Variants in KCNH1 observed in about 807,000 individuals in gnomAD.
KCNH1 encodes the protein voltage-gated delayed rectifier potassium channel KCNH1.
KCNH1 carries 27 observed loss-of-function variants against 69.2 expected under a neutral mutation model. The ratio of observed to expected loss-of-function variants is 0.39; its 90% CI spans 0.29 to 0.54. The LOEUF is 0.54. KCNH1 is among the 20% of genes least tolerant of loss of function. KCNH1 has a pLI of 0.68. For synonymous variants in KCNH1, 456 were observed against 487.7 expected (o/e 0.93, Z 0.86); for missense variants, 798 against 1,261.6 (o/e 0.63, Z 5.57).
chr1:211,079,530 A>G (rs1690811187), intron 5 of KCNH1, among the ~76,000 whole-genome samples: 1 of 152,208 alleles, frequency 6.6e-6, no homozygotes, highest in African/African-American at 2.4e-5. Flanking sequence ...AGAATTTTAG[A>G]CCAATATCCC....
chr1:210,846,155 C>A (rs910261147), intron 7 of KCNH1, among the ~76,000 whole-genome samples: 1 of 152,130 alleles, frequency 6.6e-6, no homozygotes. Context: ...CCGTACTTCC[C>A]AAGGTAATTT....
rs1427613208 is a variant in KCNH1, at chr1:211,059,651, G to T, written c.558+23129C>A. 2.6e-5 allele frequency among the ~76,000 whole-genome samples: 4 copies of T among 152,014 alleles called. No homozygotes were observed. The East Asian group carries it at 7.8e-4, about 30-fold the overall frequency. On this transcript the variant is annotated intron_variant, in intron 5 of 10. Transcript: ENST00000271751. ...CCAGCTACTCGGGAGGCTGAGGCAG[G>T]AGAATGGCGTGAACCCGGGAGGTGG...
At chr1:211,027,701 A>G (rs1310441443) in intron 5 of KCNH1, among the ~76,000 whole-genome samples, 2 of 152,184 alleles carry the variant, frequency 1.3e-5, no homozygotes, top group Non-Finnish European at 2.9e-5. Flanking sequence ...TTGTTCTGTA[A>G]TAGAAAGTAT....
intron 1 of KCNH1, among the ~76,000 whole-genome samples, chr1:211,131,587 T>G (rs1226829310): frequency 6.6e-6 from 1 of 152,190 alleles, no homozygotes; most frequent in African/African-American, 2.4e-5. Context: ...AAAAAAGGGC[T>G]CATGGATTTT....
intron 5 of KCNH1, among the ~76,000 whole-genome samples, chr1:211,034,756 T>C (rs1014871759): frequency 6.6e-6 from 1 of 152,208 alleles, no homozygotes; most frequent in African/African-American, 2.4e-5. Flanking sequence ...AGGCAAGTTA[T>C]ACAGGGGCTT....
At chr1:210,704,995 G>A (rs1292609260) in intron 10 of KCNH1, among the ~76,000 whole-genome samples, 2 of 152,204 alleles carry the variant, frequency 1.3e-5, no homozygotes, top group African/African-American at 2.4e-5. Context: ...GTTGGGTGGA[G>A]GTAGGGGGTC....
intron 7 of KCNH1, among the ~76,000 whole-genome samples, chr1:210,812,945 C>T (rs1684737172): frequency 6.6e-6 from 1 of 152,198 alleles, no homozygotes; most frequent in Admixed American, 6.5e-5. Flanking sequence ...CTGCTTAGAA[C>T]TGTGTGGTCA....
At chr1:211,025,328 A>C (rs1332486228) in intron 5 of KCNH1, among the ~76,000 whole-genome samples, 1 of 152,154 alleles carries the variant, frequency 6.6e-6, no homozygotes, top group Non-Finnish European at 1.5e-5. Context: ...ACCAGCCCTT[A>C]AAAGGGGGCA....
chr1:210,836,699 T>C (rs1271750783), intron 7 of KCNH1, among the ~76,000 whole-genome samples: 3 of 152,132 alleles, frequency 2.0e-5, no homozygotes, highest in Non-Finnish European at 4.4e-5. Context: ...TGGGGTCTCA[T>C]AGGAGAGAGA....
At chr1:210,749,302 G>C (rs1229766920) in intron 10 of KCNH1, among the ~76,000 whole-genome samples, 1 of 152,184 alleles carries the variant, frequency 6.6e-6, no homozygotes, top group Non-Finnish European at 1.5e-5. Flanking sequence ...CCCAAGAGAG[G>C]CTTCTGGGAG....
chr1:210,895,206 A>G (rs1686839992), intron 7 of KCNH1, among the ~76,000 whole-genome samples: 1 of 148,420 alleles, frequency 6.7e-6, no homozygotes. Context: ...TCTTTGTTAT[A>G]TAACCTTGGA....
chr1:210,911,819 A>G (rs930671488), intron 7 of KCNH1, among the ~76,000 whole-genome samples: 1 of 152,162 alleles, frequency 6.6e-6, no homozygotes, highest in Admixed American at 6.5e-5. Context: ...CACAATACAC[A>G]CAAGATATTT....
intron 6 of KCNH1, among the ~76,000 whole-genome samples, chr1:210,993,948 T>C (rs974136756): frequency 6.6e-6 from 1 of 150,890 alleles, no homozygotes; most frequent in Non-Finnish European, 1.5e-5. Context: ...ATAGGGGTTT[T>C]ATGACGTTCA....
intron 6 of KCNH1, among the ~76,000 whole-genome samples, chr1:211,001,987 G>A (rs1389037977): frequency 7.1e-6 from 1 of 140,454 alleles, no homozygotes; most frequent in African/African-American, 2.6e-5. Context: ...ACAGGAAGGG[G>A]AACAGCACAC....
chr1:210,788,248 AT>A (rs1235340235), intron 9 of KCNH1, among the ~76,000 whole-genome samples: 1 of 152,194 alleles, frequency 6.6e-6, no homozygotes, highest in Non-Finnish European at 1.5e-5. Flanking sequence ...TTCAGTTAAC[AT>A]TTTGGTATAC....
chr1:210,687,382 C>T (rs963587935), intron 10 of KCNH1, among the ~76,000 whole-genome samples: 1 of 152,220 alleles, frequency 6.6e-6, no homozygotes, highest in Non-Finnish European at 1.5e-5. Context: ...TTCAGACACT[C>T]AATGACAGGG....
chr1:210,982,719 G>A (rs59394537), intron 6 of KCNH1, among the ~76,000 whole-genome samples: 10,500 of 152,072 alleles, frequency 0.069, 942 homozygotes, highest in African/African-American at 0.21. Flanking sequence ...GAATAGTGCC[G>A]CAATAAACAT....
chr1:210,863,124 A>T (rs749827985), intron 7 of KCNH1, among the ~76,000 whole-genome samples: 1 of 152,224 alleles, frequency 6.6e-6, no homozygotes, highest in Non-Finnish European at 1.5e-5. Flanking sequence ...ATCCATGAAG[A>T]GCTTCCAAAA....
intron 6 of KCNH1, among the ~76,000 whole-genome samples, chr1:210,965,989 C>A (rs1232550365): frequency 6.6e-6 from 1 of 152,176 alleles, no homozygotes; most frequent in Non-Finnish European, 1.5e-5. Flanking sequence ...AACTATATTA[C>A]AAGGCTACAG....
Sources: allele counts gnomAD v4.1 joint callset (sites outside exome capture counted in the v4.1 genomes callset), GRCh38; gene constraint gnomAD v4.1.1; transcripts MANE v1.5; gene names NCBI Gene and HGNC (gene_info 2026-07-23, HGNC 2026-07-21).